Variants in EFCAB6 observed in about 807,000 individuals in gnomAD.
EFCAB6 encodes EF-hand calcium binding domain 6, also known as EF-hand calcium-binding domain-containing protein 6.
A neutral mutation model predicts 169.8 loss-of-function variants in EFCAB6; 156 were observed. That is an observed-to-expected ratio of 0.92 (90% CI 0.81 to 1.05). EFCAB6 has a LOEUF of 1.05. Among genes scored for constraint, EFCAB6 ranks in the 50% least tolerant of loss-of-function variants. The pLI, the probability that EFCAB6 is intolerant of heterozygous loss-of-function variation, is 0.00. For synonymous variants in EFCAB6, 698 were observed against 676.4 expected (o/e 1.03, Z -0.50); for missense variants, 1,800 against 1,829.1 (o/e 0.98, Z 0.29).
At chr22:43,597,161 T>C (rs1460995109) in intron 23 of EFCAB6, among the ~76,000 whole-genome samples, 1 of 152,202 alleles carries the variant, frequency 6.6e-6, no homozygotes, top group East Asian at 1.9e-4. Flanking sequence ...GAATAAAACA[T>C]TGGGGAAATG....
chr22:43,606,767 T>C (rs1299772734), intron 22 of EFCAB6, among the ~76,000 whole-genome samples: 1 of 152,226 alleles, frequency 6.6e-6, no homozygotes, highest in Admixed American at 6.5e-5. Context: ...GCACATTTCA[T>C]AATTATGTTC....
chr22:43,537,455 AG>A lies in EFCAB6; in HGVS notation c.3969del (p.Cys1324AlafsTer6). The A allele has an allele frequency of 6.2e-7, 1 of 1,614,152 alleles. No individual in the cohort carries two copies. Among genetic ancestry groups the A allele is most frequent in the South Asian group, 1.1e-5 (1 of 91,070 alleles). ...IESRLRKRIQ[G>X]CWRQLLKECK... Reference sequence around the variant, plus strand: ...CATTCTTTCAGGAGCTGGCGCCAGCAGCCCTGGATTCTCTTCCGGAGCCTGC... The same window carrying A: ...CATTCTTTCAGGAGCTGGCGCCAGCACCCTGGATTCTCTTCCGGAGCCTGC... On this transcript the variant is annotated frameshift_variant, in exon 29 of 32. Coordinates refer to ENST00000262726, the MANE Select transcript of EFCAB6 (RefSeq NM_022785.4). LOFTEE classifies it high-confidence loss of function. This position sits in a 1 kb window ranked among gnomAD's most constrained non-coding sequence, Gnocchi z 4.3.
intron 17 of EFCAB6, among the ~76,000 whole-genome samples, chr22:43,645,380 T>C (rs1388081724): frequency 1.3e-5 from 2 of 152,248 alleles, no homozygotes; most frequent in African/African-American, 4.8e-5. Context: ...ACTTTAGTAC[T>C]TTTCCATGCA....
intron 2 of EFCAB6, among the ~76,000 whole-genome samples, chr22:43,790,296 A>G (rs930302251): frequency 6.6e-6 from 1 of 152,236 alleles, no homozygotes. Context: ...GAATCTTTAC[A>G]GAGGTAAACT....
chr22:43,553,873 T>A (rs1218831445), intron 27 of EFCAB6: 1 of 152,658 alleles, frequency 6.6e-6, no homozygotes, highest in Non-Finnish European at 1.5e-5. Flanking sequence ...GGGGATTCTG[T>A]GATAGGGAGG....
At position 43,735,876 on chromosome 22, in the gene EFCAB6, T is replaced by C; in HGVS notation, c.625A>G (p.Arg209Gly). The C allele has an allele frequency of 6.2e-7, 1 of 1,613,854 alleles. No homozygotes were observed. The highest frequency in any genetic ancestry group is 1.3e-5 in the African/African-American group (1 of 75,030). ...GCTTACTTTTCGTATTCCTCGTCTC[T>C]TAACTTCATACAGAAGGTCTCCAGA... The part of the protein sequence containing the change: ...RVLETFCMKL[R>G]DEEYEKFSKH... The change falls in exon 7 of 32, where the codon AGA becomes GGA. Residue 209 changes from arginine to glycine, a missense_variant. Physicochemically the swap from Arg to Gly is moderately radical, Grantham distance 125. Transcript: ENST00000262726.
chr22:43,699,355 G>A (rs2147255958), intron 10 of EFCAB6, among the ~76,000 whole-genome samples: 1 of 152,276 alleles, frequency 6.6e-6, no homozygotes, highest in East Asian at 1.9e-4. Flanking sequence ...TCCCCTGAGG[G>A]CAACCCTGTC....
intron 17 of EFCAB6, among the ~76,000 whole-genome samples, chr22:43,665,597 C>G (rs1297524766): frequency 2.0e-5 from 3 of 152,208 alleles, no homozygotes; most frequent in Non-Finnish European, 2.9e-5. Context: ...ACAAAGGGCC[C>G]TGCACGGGCA....
intron 5 of EFCAB6, among the ~76,000 whole-genome samples, chr22:43,761,689 A>G (rs1569476384): frequency 6.6e-6 from 1 of 152,146 alleles, no homozygotes; most frequent in East Asian, 1.9e-4. Flanking sequence ...TATGACATCT[A>G]TTGGTTTGTA....
At chr22:43,653,392 T>C (rs1460903271) in intron 17 of EFCAB6, among the ~76,000 whole-genome samples, 2 of 152,184 alleles carry the variant, frequency 1.3e-5, no homozygotes, top group East Asian at 3.8e-4. Flanking sequence ...ATAGAAGACA[T>C]AGACCATGGA....
At chr22:43,664,008 T>C (rs1253235087) in intron 17 of EFCAB6, among the ~76,000 whole-genome samples, 1 of 152,202 alleles carries the variant, frequency 6.6e-6, no homozygotes, top group Non-Finnish European at 1.5e-5. Context: ...CTCCTCCCTG[T>C]GGGCATGCCT....
At chr22:43,591,143 T>TA (rs1297519494) in intron 23 of EFCAB6, among the ~76,000 whole-genome samples, 3 of 145,274 alleles carry the variant, frequency 2.1e-5, no homozygotes, top group African/African-American at 5.1e-5. Context: ...TTGTTTTTTT[T>TA]ACCAGGCTTT....
At chr22:43,540,426 C>A in intron 27 of EFCAB6, 69 bp from the exon 28 acceptor site, 3 of 1,604,130 alleles carry the variant, frequency 1.9e-6, no homozygotes, top group East Asian at 4.5e-5. Flanking sequence ...CCTGTGCCAG[C>A]GAGAAGTGGG....
chr22:43,675,683 G>T (rs1436239349), intron 13 of EFCAB6, among the ~76,000 whole-genome samples: 1 of 146,200 alleles, frequency 6.8e-6, no homozygotes, highest in East Asian at 2.0e-4. Context: ...TCTAGAAATA[G>T]ATACTAAATA....
At chr22:43,784,541 G>GTATATATACACACATATATA (rs1357869252) in intron 2 of EFCAB6, among the ~76,000 whole-genome samples, 1 of 79,706 alleles carries the variant, frequency 1.3e-5, no homozygotes, top group Non-Finnish European at 2.4e-5. Flanking sequence ...GTGTGTGTGT[G>GTATATATACACACATATATA]TGTATATGTA....
At chr22:43,694,836 A>C (rs543908716) in intron 10 of EFCAB6, among the ~76,000 whole-genome samples, 1 of 152,144 alleles carries the variant, frequency 6.6e-6, no homozygotes, top group Admixed American at 6.5e-5. Context: ...GCAACAACAA[A>C]AACAATCCAT....
At chr22:43,613,490 C>T (rs2053469899) in intron 21 of EFCAB6, among the ~76,000 whole-genome samples, 1 of 152,048 alleles carries the variant, frequency 6.6e-6, no homozygotes, top group African/African-American at 2.4e-5. Flanking sequence ...GGCTAACATC[C>T]TTTGAAAATT....
At chr22:43,541,219 G>A (rs536210522) in intron 27 of EFCAB6, among the ~76,000 whole-genome samples, 25 of 152,312 alleles carry the variant, frequency 1.6e-4, no homozygotes, top group East Asian at 1.2e-3. Flanking sequence ...GCCAGAAACC[G>A]AGTTGCTTCT....
chr22:43,685,434 C>T (rs2058156736), intron 11 of EFCAB6, among the ~76,000 whole-genome samples: 1 of 152,180 alleles, frequency 6.6e-6, no homozygotes, highest in African/African-American at 2.4e-5. Flanking sequence ...GGAGCTGGGA[C>T]ATTTTCTGCC....
Sources: allele counts gnomAD v4.1 joint callset (sites outside exome capture counted in the v4.1 genomes callset), GRCh38; gene constraint gnomAD v4.1.1; non-coding constraint Gnocchi (gnomAD v3.1); transcripts MANE v1.5; gene names NCBI Gene and HGNC (gene_info 2026-07-23, HGNC 2026-07-21).